Variants in ZNF254 observed in about 807,000 individuals in gnomAD.
The protein encoded by ZNF254 is zinc finger protein 254, also known as CTD-2017D11.1.
Under a neutral mutation model 12.4 loss-of-function variants are expected in ZNF254, and 10 were observed. The ratio of observed to expected loss-of-function variants is 0.80; its 90% CI spans 0.50 to 1.36. ZNF254 has a LOEUF of 1.36. ZNF254 is among the 40% of genes most tolerant of loss of function. The pLI is 0.00. For synonymous variants in ZNF254, 305 were observed against 253.4 expected (o/e 1.20, Z -1.93); for missense variants, 996 against 763.9 (o/e 1.30, Z -3.58).
chr19:24,070,754 C>T (rs190319620), intron 2 of ZNF254, among the ~76,000 whole-genome samples: 9 of 152,268 alleles, frequency 5.9e-5, no homozygotes, highest in African/African-American at 7.2e-5. Flanking sequence ...GCCTGGCACA[C>T]AGATGGGATT....
Position 24,110,960 on chromosome 19 carries a change from ATAT to A in ZNF254, c.253+4324_253+4326del, listed in dbSNP as rs772237250. On this transcript the variant is annotated intron_variant, in intron 3 of 3. Transcript: ENST00000357002. ...TTTCCTTTTTTAATTTTATATTTTA[ATAT>A]TATTATACTACAAGTTTTAGGGTAC... Among the ~76,000 whole-genome samples, 90 of 151,448 alleles carry A rather than the reference ATAT, an allele frequency of 5.9e-4. 1 individual carries two copies. Among genetic ancestry groups the A allele is most frequent in the Admixed American group, 9.9e-4 (15 of 15,164 alleles).
upstream of ZNF254, among the ~76,000 whole-genome samples, chr19:24,085,517 A>G (rs1400995224): frequency 6.8e-6 from 1 of 147,636 alleles, no homozygotes; most frequent in Non-Finnish European, 1.5e-5. Context: ...TAATCCCAAC[A>G]CCCAACACTT....
chr19:24,037,797 T>TG (rs1970022261), intron 1 of ZNF254, among the ~76,000 whole-genome samples: 1 of 152,160 alleles, frequency 6.6e-6, no homozygotes, highest in South Asian at 2.1e-4. Context: ...TTCATAGAGA[T>TG]GGGGTTTCTC....
Position 24,071,693 on chromosome 19 carries a change from A to G in ZNF254, c.-94+25414A>G, listed in dbSNP as rs1209750925. ...CACTGCACTCCAGCCTGGGTGACAGAGTGAGACTACATCTCTTCTAATGCT... is the reference window on the plus strand; with the variant it reads ...CACTGCACTCCAGCCTGGGTGACAGGGTGAGACTACATCTCTTCTAATGCT... On this transcript the variant is annotated intron_variant, in intron 2 of 4. Coordinates refer to the ZNF254 transcript ENST00000613065. Among the ~76,000 whole-genome samples, 6 of 152,118 alleles carry G rather than the reference A, an allele frequency of 3.9e-5. No homozygotes were observed. In the East Asian group the frequency reaches 1.2e-3, roughly 30 times the overall value.
At chr19:24,117,143 G>A (rs988414933) in intron 3 of ZNF254, among the ~76,000 whole-genome samples, 5 of 152,276 alleles carry the variant, frequency 3.3e-5, no homozygotes, top group Admixed American at 6.5e-5. Context: ...CATGGTTCAG[G>A]GGTCCGGGAC....
At chr19:24,057,048 C>T (rs1194561234) in intron 2 of ZNF254, among the ~76,000 whole-genome samples, 1 of 152,142 alleles carries the variant, frequency 6.6e-6, no homozygotes, top group Non-Finnish European at 1.5e-5. Context: ...CATATGTGGG[C>T]TTAGGTACAT....
In ZNF254 at chr19:24,126,418, A is replaced by G; in HGVS notation, c.418A>G (p.Asn140Asp). The change falls in exon 4 of 4, where the codon AAT becomes GAT. Residue 140 changes from asparagine to aspartate, a missense_variant. By Grantham distance (23) the Asn-to-Asp change is conservative. Transcript: ENST00000357002. ...GTATAAGGTGAACAAAGAAGGTTAT[A>G]ATGGACTTAACCAGTGTTTCACAAC... ...DEYKVNKEGY[N>D]GLNQCFTTAQ... 9 of 1,603,706 alleles carry G rather than the reference A, an allele frequency of 5.6e-6. No individual in the cohort carries two copies. The highest frequency in any genetic ancestry group is 7.6e-6 in the Non-Finnish European group (9 of 1,177,132).
At chr19:24,097,110 CA>C (rs1972718087) in intron 1 of ZNF254, among the ~76,000 whole-genome samples, 2 of 152,046 alleles carry the variant, frequency 1.3e-5, no homozygotes, top group Admixed American at 1.3e-4. Flanking sequence ...ATATTAACAG[CA>C]AAATAAAACT....
chr19:24,084,815 C>A (rs1442121113), upstream of ZNF254, among the ~76,000 whole-genome samples: 2 of 151,866 alleles, frequency 1.3e-5, no homozygotes, highest in Non-Finnish European at 2.9e-5. Context: ...TTTTTAGATA[C>A]ATGTTTTTGC....
rs1000717463 is a variant in ZNF254 at position 24,128,639 on chromosome 19, C to A, written c.*659C>A. On this transcript the variant is annotated 3_prime_UTR_variant, in exon 4 of 4. Transcript: ENST00000357002. ...TTCAAAAACTACAAATTATAAAACA[C>A]CAAAGTGTTCATACTAAAATATATT... 5 of 151,890 alleles carry A rather than the reference C, an allele frequency of 3.3e-5. No homozygotes were observed. The highest frequency in any genetic ancestry group is 1.2e-4 in the African/African-American group (5 of 41,370). The allele number at this position is 151,890 out of a possible 1,614,324, so 9.4% of individuals were successfully genotyped here. A position where few individuals can be genotyped will look rare whatever the true frequency, so the allele number is the denominator to read the frequency against.
At chr19:24,077,687 G>A (rs1295060517) in intron 2 of ZNF254, among the ~76,000 whole-genome samples, 3 of 152,124 alleles carry the variant, frequency 2.0e-5, no homozygotes, top group Non-Finnish European at 4.4e-5. Flanking sequence ...TCATTATAGG[G>A]TGACCCAAGG....
In ZNF254 at chr19:24,129,810, TA is replaced by T. The variant is rs1183149445; in HGVS notation, c.*1831del. 1 of 152,008 alleles carries T rather than the reference TA, an allele frequency of 6.6e-6. No individual in the cohort carries two copies. The highest frequency in any genetic ancestry group is 1.5e-5 in the Non-Finnish European group (1 of 67,956). 9.4% of individuals were successfully genotyped at this position (152,008 alleles called of 1,614,324 possible). Reference sequence around the variant, plus strand: ...AAATTTTATACAAACGTGTAAAATCTATACATTTCTGAGTTCTGAATAAATA... The same window carrying T: ...AAATTTTATACAAACGTGTAAAATCTTACATTTCTGAGTTCTGAATAAATA... On this transcript the variant is annotated 3_prime_UTR_variant, in exon 4 of 4. Coordinates refer to ENST00000357002, the MANE Select transcript of ZNF254 (RefSeq NM_203282.4).
At chr19:24,050,751 TTTTA>T (rs568650838) in intron 2 of ZNF254, among the ~76,000 whole-genome samples, 226 of 152,232 alleles carry the variant, frequency 1.5e-3, no homozygotes, top group African/African-American at 4.9e-3. Flanking sequence ...TTGTGTGACT[TTTTA>T]TTTATTTATT....
chr19:24,087,371 G>T (rs1412559371), intron 1 of ZNF254, 34 bp downstream of exon 1: 1 of 1,612,950 alleles, frequency 6.2e-7, no homozygotes, highest in Non-Finnish European at 8.5e-7. Flanking sequence ...CGAGAGAGGG[G>T]AGGGGGCTGG....
At chr19:24,084,508 C>T (rs926852822), upstream of ZNF254, among the ~76,000 whole-genome samples, 4 of 151,944 alleles carry the variant, frequency 2.6e-5, no homozygotes, top group Non-Finnish European at 4.4e-5. Context: ...TACAAAAGAA[C>T]TTATCCATGT....
chr19:24,118,972 G>A (rs1194870034), intron 3 of ZNF254, among the ~76,000 whole-genome samples: 4 of 151,802 alleles, frequency 2.6e-5, no homozygotes, highest in Non-Finnish European at 4.4e-5. Context: ...TTAGCCAGGC[G>A]TGGTGGTGGG....
intron 2 of ZNF254, among the ~76,000 whole-genome samples, chr19:24,067,773 CT>C (rs1203668424): frequency 6.6e-6 from 1 of 151,566 alleles, no homozygotes; most frequent in Non-Finnish European, 1.5e-5. Context: ...TAATGGGACT[CT>C]TTTCTCTTGC....
intron 2 of ZNF254, among the ~76,000 whole-genome samples, chr19:24,081,060 G>A (rs529237725): frequency 4.1e-5 from 6 of 147,236 alleles, no homozygotes; most frequent in Non-Finnish European, 8.9e-5. Context: ...CTGGGCGACA[G>A]AGTGAGACTC....
chr19:24,056,220 A>G (rs1247183522), intron 2 of ZNF254, among the ~76,000 whole-genome samples: 1 of 151,706 alleles, frequency 6.6e-6, no homozygotes, highest in Admixed American at 6.6e-5. Flanking sequence ...AGGTTATGTG[A>G]CTCTCCTGCC....
Sources: gnomAD v4.1 joint callset for allele counts (sites outside exome capture counted in the v4.1 genomes callset) on GRCh38, gnomAD v4.1.1 for gene constraint, MANE v1.5 for transcripts, NCBI Gene and HGNC (gene_info 2026-07-23, HGNC 2026-07-21) for gene names.